TNRC6B: variants seen among roughly 807,000 people sequenced by gnomAD.
TNRC6B encodes trinucleotide repeat-containing gene 6B protein.
A neutral mutation model predicts 203.6 loss-of-function variants in TNRC6B; 52 were observed. That is an observed-to-expected ratio of 0.26 (90% CI 0.20 to 0.32). The LOEUF is 0.32. TNRC6B is among the 10% of genes least tolerant of loss of function. TNRC6B has a pLI of 1.00. For synonymous variants in TNRC6B, 838 were observed against 845.7 expected, an observed-to-expected ratio of 0.99 and a Z score of 0.16; for missense variants, 1,923 against 2,286.2, an observed-to-expected ratio of 0.84 and a Z score of 3.24.
intron 1 of TNRC6B, among the ~76,000 whole-genome samples, chr22:40,244,332 C>A (rs2070073913): frequency 6.6e-6 from 1 of 152,228 alleles, no homozygotes; most frequent in South Asian, 2.1e-4. Context: ...TCAGTAAAAT[C>A]TCCTCCTTGG....
chr22:40,262,884 A>T (rs988645857), intron 4 of TNRC6B, among the ~76,000 whole-genome samples: 12 of 151,858 alleles, frequency 7.9e-5, no homozygotes, highest in Non-Finnish European at 1.6e-4. Context: ...CTAAAAATAT[A>T]AAAAAATTAG....
At chr22:40,061,173 T>C (rs1178421425) in intron 1 of TNRC6B, among the ~76,000 whole-genome samples, 1 of 152,174 alleles carries the variant, frequency 6.6e-6, no homozygotes, top group Non-Finnish European at 1.5e-5. Flanking sequence ...TAGGTAAATA[T>C]TATTTGTGCA....
At chr22:40,278,924 A>G (rs748819169) in intron 9 of TNRC6B, among the ~76,000 whole-genome samples, 9 of 152,190 alleles carry the variant, frequency 5.9e-5, no homozygotes, top group Non-Finnish European at 1.2e-4. Flanking sequence ...TATTTTTAGT[A>G]GGGACGGGAT....
chr22:40,109,184 T>C (rs1160890441), intron 1 of TNRC6B, among the ~76,000 whole-genome samples: 2 of 152,236 alleles, frequency 1.3e-5, no homozygotes, highest in Non-Finnish European at 2.9e-5. Context: ...AGTCTATCAT[T>C]GATGGGCCTT....
chr22:40,237,345 G>T (rs754004167), intron 1 of TNRC6B, among the ~76,000 whole-genome samples: 1 of 152,188 alleles, frequency 6.6e-6, no homozygotes, highest in Non-Finnish European at 1.5e-5. Flanking sequence ...GGGTTGTGAG[G>T]TGAGGTAGGA....
chr22:40,280,946 G>T (rs1304821987), intron 10 of TNRC6B, among the ~76,000 whole-genome samples, 173 bp from the exon 11 acceptor site: 1 of 152,244 alleles, frequency 6.6e-6, no homozygotes, highest in Non-Finnish European at 1.5e-5. Context: ...ATGACAGATG[G>T]TGTCTGTTGG....
chr22:40,125,742 T>G, intron 2 of TNRC6B: 1 of 1,542,320 alleles, frequency 6.5e-7, no homozygotes, highest in Non-Finnish European at 8.7e-7. Context: ...CTGAATTCCT[T>G]ACATACTTTT....
chr22:40,278,828 C>T (rs954047544), intron 9 of TNRC6B, among the ~76,000 whole-genome samples: 2 of 152,226 alleles, frequency 1.3e-5, no homozygotes, highest in Non-Finnish European at 2.9e-5. Context: ...CAACCTCTGC[C>T]TCCCAGGTTC....
intron 1 of TNRC6B, among the ~76,000 whole-genome samples, chr22:40,187,674 G>T (rs1033081962): frequency 6.6e-6 from 1 of 152,116 alleles, no homozygotes; most frequent in African/African-American, 2.4e-5. Context: ...GTGGGAGAGG[G>T]TGCCACCAGG....
At chr22:40,292,193 CAAAA>C (rs5845454) in intron 12 of TNRC6B, among the ~76,000 whole-genome samples, 13 of 149,640 alleles carry the variant, frequency 8.7e-5, no homozygotes, top group Non-Finnish European at 1.8e-4. Flanking sequence ...GACTCCGTCT[CAAAA>C]AAAAAGCCAG....
chr22:40,104,311 A>G (rs192467361), intron 1 of TNRC6B, among the ~76,000 whole-genome samples: 2 of 152,300 alleles, frequency 1.3e-5, no homozygotes, highest in East Asian at 3.9e-4. Context: ...TAGCCTTATA[A>G]CAAGTAGACA....
Position 40,266,928 on chromosome 22 carries a change from A to C in TNRC6B, c.2698A>C (p.Asn900His), listed in dbSNP as rs1294859064. Residue 900 changes from asparagine to histidine, a missense_variant, in exon 5 of 23, where the codon AAC becomes CAC. Physicochemically the swap from Asn to His is moderately conservative, Grantham distance 68. Transcript: ENST00000454349. ...TGGCACTTCAGCATGGGGAGACCCTAACAGTTATAACTACAAGAATGTGAA... is the reference window on the plus strand; with the variant it reads ...TGGCACTTCAGCATGGGGAGACCCTCACAGTTATAACTACAAGAATGTGAA... ...DDGTSAWGDP[N>H]SYNYKNVNLW... 14 of 1,613,988 alleles carry C rather than the reference A, an allele frequency of 8.7e-6. No homozygotes were observed. The highest frequency in any genetic ancestry group is 1.1e-5 in the Non-Finnish European group (13 of 1,179,874).
At chr22:40,296,621 C>A (rs966763973) in intron 12 of TNRC6B, among the ~76,000 whole-genome samples, 2 of 149,394 alleles carry the variant, frequency 1.3e-5, no homozygotes, top group African/African-American at 5.0e-5. Flanking sequence ...CGTGAGCCAC[C>A]GCGCCCGGCC....
At chr22:40,108,706 A>G (rs1268270327) in intron 1 of TNRC6B, among the ~76,000 whole-genome samples, 1 of 152,214 alleles carries the variant, frequency 6.6e-6, no homozygotes, top group African/African-American at 2.4e-5. Context: ...ATTTGCAAAG[A>G]TGTAAAACAG....
chr22:40,202,153 T>A (rs1193750004), intron 1 of TNRC6B, among the ~76,000 whole-genome samples: 3 of 152,146 alleles, frequency 2.0e-5, no homozygotes, highest in Admixed American at 2.0e-4. Context: ...TACTTCTAGT[T>A]GAGTTAAAGT....
At chr22:40,048,202 T>C (rs564821198) in intron 1 of TNRC6B, among the ~76,000 whole-genome samples, 2 of 152,300 alleles carry the variant, frequency 1.3e-5, no homozygotes, top group South Asian at 4.1e-4. Context: ...CTTTAAACTT[T>C]TGCAGCCAGA....
At chr22:40,157,267 A>G (rs2068825965) in intron 4 of TNRC6B, among the ~76,000 whole-genome samples, 1 of 149,446 alleles carries the variant, frequency 6.7e-6, no homozygotes, top group Admixed American at 6.7e-5. Context: ...ACTATTTTTT[A>G]TTCAGACATT....
At chr22:40,289,423 G>T (rs532930163) in intron 12 of TNRC6B, among the ~76,000 whole-genome samples, 1 of 152,332 alleles carries the variant, frequency 6.6e-6, no homozygotes, top group South Asian at 2.1e-4. Context: ...GGCAGCGACA[G>T]TGGGAATTAA....
At chr22:40,269,169 T>C (rs1420333541) in intron 5 of TNRC6B, among the ~76,000 whole-genome samples, 1 of 135,542 alleles carries the variant, frequency 7.4e-6, no homozygotes, top group Admixed American at 7.7e-5. Context: ...GGAGTCTCAC[T>C]GTCTCCCAGG....
Sources: gnomAD v4.1 joint callset for allele counts (sites outside exome capture counted in the v4.1 genomes callset) on GRCh38, gnomAD v4.1.1 for gene constraint, MANE v1.5 for transcripts, NCBI Gene and HGNC (gene_info 2026-07-23, HGNC 2026-07-21) for gene names.